The following CADPS variants were observed in gnomAD, a reference collection of about 807,000 sequenced individuals.
CADPS encodes calcium-dependent secretion activator 1.
Under a neutral mutation model 167.3 loss-of-function variants are expected in CADPS, and 57 were observed. The observed-to-expected ratio is 0.34, with a 90% CI of 0.28 to 0.42. The LOEUF (loss-of-function observed/expected upper bound fraction) is 0.42, where lower values mean the gene tolerates loss of function less well. CADPS is among the 20% of genes least tolerant of loss of function. The pLI, the probability that CADPS is intolerant of heterozygous loss-of-function variation, is 1.00. For missense variants in CADPS, 1,414 were observed against 1,738.1 expected (o/e 0.81, Z 3.32); for synonymous variants, 676 against 635.3 (o/e 1.06, Z -0.96).
intron 1 of CADPS, among the ~76,000 whole-genome samples, chr3:62,858,233 T>G (rs762722503): frequency 1.3e-5 from 2 of 152,214 alleles, no homozygotes; most frequent in Non-Finnish European, 2.9e-5. Context: ...GGAACTCAAA[T>G]TATTTCCATA....
intron 21 of CADPS, among the ~76,000 whole-genome samples, chr3:62,490,307 A>G (rs1207763733): frequency 7.4e-6 from 1 of 135,612 alleles, no homozygotes. Flanking sequence ...TTCCTTAAAA[A>G]AAGAAAGAAA....
intron 1 of CADPS, among the ~76,000 whole-genome samples, chr3:62,782,398 T>C (rs1230928905): frequency 6.6e-6 from 1 of 152,212 alleles, no homozygotes; most frequent in African/African-American, 2.4e-5. Context: ...GAAAAGTCAG[T>C]AATAATTTAA....
intron 3 of CADPS, among the ~76,000 whole-genome samples, chr3:62,665,943 C>A (rs1016983180): frequency 6.6e-6 from 1 of 152,172 alleles, no homozygotes. Flanking sequence ...ATGGTGGCTG[C>A]TGCTCCTTGT....
intron 1 of CADPS, among the ~76,000 whole-genome samples, chr3:62,831,526 T>C (rs954149539): frequency 6.6e-6 from 1 of 152,206 alleles, no homozygotes; most frequent in Non-Finnish European, 1.5e-5. Flanking sequence ...TGCGAGGTCT[T>C]GGCTAAATCA....
intron 10 of CADPS, among the ~76,000 whole-genome samples, chr3:62,552,381 AT>A (rs1200899990): frequency 6.6e-6 from 1 of 152,228 alleles, no homozygotes; most frequent in East Asian, 1.9e-4. Context: ...AGTATAAAAA[AT>A]AAAAAATTAG....
chr3:62,507,574 T>G (rs1388670375), intron 17 of CADPS, among the ~76,000 whole-genome samples: 2 of 152,166 alleles, frequency 1.3e-5, no homozygotes, highest in Admixed American at 6.6e-5. Flanking sequence ...AAAGACAATT[T>G]GAATACCTCT....
intron 3 of CADPS, among the ~76,000 whole-genome samples, chr3:62,739,642 T>C (rs1281030657): frequency 1.3e-5 from 2 of 152,200 alleles, no homozygotes; most frequent in African/African-American, 2.4e-5. Context: ...TACTCTTGAA[T>C]AATGAGGAAC....
At chr3:62,853,637 A>AAG (rs1276315115) in intron 1 of CADPS, among the ~76,000 whole-genome samples, 3 of 143,424 alleles carry the variant, frequency 2.1e-5, no homozygotes, top group Admixed American at 1.4e-4. Context: ...AAAAAAAAAA[A>AAG]AAGAAAAGAA....
chr3:62,813,352 T>C (rs1222900017), intron 1 of CADPS, among the ~76,000 whole-genome samples: 4 of 151,752 alleles, frequency 2.6e-5, no homozygotes, highest in African/African-American at 9.7e-5. Context: ...TTGACAAAAA[T>C]AAGCAATGGG....
At chr3:62,870,309 ATT>A (rs1244131193) in intron 1 of CADPS, among the ~76,000 whole-genome samples, 1 of 152,184 alleles carries the variant, frequency 6.6e-6, no homozygotes, top group African/African-American at 2.4e-5. Context: ...AACCTTAAGA[ATT>A]TTGAGTAGAC....
At chr3:62,617,617 G>A (rs927822729) in intron 6 of CADPS, among the ~76,000 whole-genome samples, 5 of 152,088 alleles carry the variant, frequency 3.3e-5, no homozygotes, top group African/African-American at 4.8e-5. Context: ...AAAGTTGAGG[G>A]GCTAAGGATC....
At chr3:62,603,751 G>A (rs1237604760) in intron 6 of CADPS, among the ~76,000 whole-genome samples, 2 of 151,940 alleles carry the variant, frequency 1.3e-5, no homozygotes, top group African/African-American at 4.8e-5. Flanking sequence ...ATTGATCATA[G>A]TTTTTATACA....
chr3:62,862,883 A>G (rs1577526446), intron 1 of CADPS, among the ~76,000 whole-genome samples: 1 of 152,330 alleles, frequency 6.6e-6, no homozygotes, highest in Middle Eastern at 3.4e-3. Flanking sequence ...GCCCATTCCA[A>G]CCAGTGGGAC....
intron 1 of CADPS, among the ~76,000 whole-genome samples, chr3:62,782,615 C>T (rs1024431791): frequency 6.6e-6 from 1 of 152,104 alleles, no homozygotes; most frequent in African/African-American, 2.4e-5. Context: ...ATTTCTTTCT[C>T]TAAAAAGATG....
At chr3:62,533,484 T>G (rs375278509) in intron 12 of CADPS, among the ~76,000 whole-genome samples, 2 of 152,164 alleles carry the variant, frequency 1.3e-5, no homozygotes, top group East Asian at 3.9e-4. Context: ...ATATAGAGCT[T>G]TACACTTAAC....
rs1211708011 is a variant in CADPS at position 62,465,436 on chromosome 3, C to T, written c.3567G>A (p.Leu1189=). The change falls in exon 26 of 30, where the codon TTG becomes TTA. Residue 1189 remains leucine, a synonymous_variant. Transcript: ENST00000383710. This position sits in a 1 kb window ranked among gnomAD's most constrained non-coding sequence, Gnocchi z 4.1. ...TLLVAKFVTI[L]EGVLAKLSRY... ...TGGATAATTTTGCCAGCACTCCTTC[C>T]AAGATAGTAACGAACTAGAAAAACA... is the stretch of plus-strand genomic sequence containing the variant. The T allele has an allele frequency of 6.2e-7, 1 of 1,605,534 alleles. No homozygotes were observed. The highest frequency in any genetic ancestry group is 8.5e-7 in the Non-Finnish European group (1 of 1,176,306).
chr3:62,513,721 T>G lies in CADPS; in HGVS notation c.2582-953A>C. 1.9e-6 allele frequency: 3 copies of G among 1,561,200 alleles called. 1 individual carries two copies. In the East Asian group the frequency reaches 7.0e-5, roughly 36 times the overall value. Reference sequence around the variant, plus strand: ...TCTCTTTTTCCCTATAAAAGAGGATTTGGGCATGCAAGAGGCTTAGGTCAG... The same window carrying G: ...TCTCTTTTTCCCTATAAAAGAGGATGTGGGCATGCAAGAGGCTTAGGTCAG... On this transcript the variant is annotated intron_variant, in intron 16 of 29. Coordinates refer to ENST00000383710, the MANE Select transcript of CADPS (RefSeq NM_003716.4).
chr3:62,872,788 T>C (rs1403453026), intron 1 of CADPS, among the ~76,000 whole-genome samples: 1 of 152,232 alleles, frequency 6.6e-6, no homozygotes, highest in East Asian at 1.9e-4. Flanking sequence ...CTAGAGACTT[T>C]GATAAATGTC....
chr3:62,414,880 AC>A (rs971985013), intron 28 of CADPS, among the ~76,000 whole-genome samples: 2 of 151,524 alleles, frequency 1.3e-5, no homozygotes, highest in Non-Finnish European at 2.9e-5. Context: ...ATTGTTCCCA[AC>A]CCCCCCAAAC....
Sources: gnomAD v4.1 joint callset for allele counts (sites outside exome capture counted in the v4.1 genomes callset) on GRCh38, gnomAD v4.1.1 for gene constraint, Gnocchi (gnomAD v3.1) non-coding constraint, MANE v1.5 for transcripts, NCBI Gene and HGNC (gene_info 2026-07-23, HGNC 2026-07-21) for gene names.